RNF144B: variants seen among roughly 807,000 people sequenced by gnomAD.
RNF144B encodes the protein ring finger protein 144B.
A neutral mutation model predicts 40.2 loss-of-function variants in RNF144B; 25 were observed. The observed-to-expected ratio is 0.62, with a 90% CI of 0.45 to 0.87. The LOEUF is 0.87. RNF144B is among the 40% of genes least tolerant of loss of function. The probability of loss-of-function intolerance (pLI) is 0.00; values close to 1 mark genes in which losing one functional copy is unlikely to be tolerated. For synonymous variants in RNF144B, 145 were observed against 136.3 expected (o/e 1.06, Z -0.44); for missense variants, 365 against 373.7 (o/e 0.98, Z 0.19).
chr6:18,448,688 G>GCACA lies in RNF144B; in HGVS notation c.332-8441_332-8438dup, dbSNP rs61128858. Among the ~76,000 whole-genome samples, 10,868 of 144,486 alleles carry GCACA rather than the reference G, an allele frequency of 0.075. 555 individuals are homozygous for GCACA. Among genetic ancestry groups the GCACA allele is most frequent in the African/African-American group, 0.15 (5,961 of 39,506 alleles). The allele number at this position is 144,486 out of a possible 152,430, so 94.8% of individuals were successfully genotyped here. A position where few individuals can be genotyped will look rare whatever the true frequency, so the allele number is the denominator to read the frequency against. Reference sequence around the variant, plus strand: ...TCCATTTTATTTTGAAAGCCAGCATGCACACACACACACACACACACACAC... The same window carrying GCACA: ...TCCATTTTATTTTGAAAGCCAGCATGCACACACACACACACACACACACACACAC... On this transcript the variant is annotated intron_variant, in intron 4 of 7. Coordinates refer to ENST00000259939, the MANE Select transcript of RNF144B (RefSeq NM_182757.4). This position sits in a 1 kb window ranked among gnomAD's most constrained non-coding sequence, Gnocchi z 4.0.
At chr6:18,397,558 A>G (rs1194556022) in intron 1 of RNF144B, among the ~76,000 whole-genome samples, 1 of 152,244 alleles carries the variant, frequency 6.6e-6, no homozygotes, top group Non-Finnish European at 1.5e-5. Flanking sequence ...AAGATTCAGA[A>G]TAAAAACAAT....
At chr6:18,454,147 G>A (rs1210369034) in intron 4 of RNF144B, among the ~76,000 whole-genome samples, 2 of 152,148 alleles carry the variant, frequency 1.3e-5, no homozygotes, top group African/African-American at 4.8e-5. Flanking sequence ...ACACAGTTGG[G>A]TTCAAAGGCA....
Position 18,441,221 on chromosome 6 carries a change from C to T in RNF144B, c.331+1477C>T, listed in dbSNP as rs1758957577. 6.6e-6 allele frequency among the ~76,000 whole-genome samples: 1 copy of T among 152,144 alleles called. No individual in the cohort carries two copies. Among genetic ancestry groups the T allele is most frequent in the Non-Finnish European group, 1.5e-5 (1 of 68,028 alleles). ...TTTCCCACTTTATCCCAACATCCTC[C>T]ACTATAAAAATCAATTATAATTAGA... On this transcript the variant is annotated intron_variant, in intron 4 of 7. Transcript: ENST00000259939. The surrounding 1 kb of genome is among the most constrained non-coding windows in gnomAD (Gnocchi z 4.9).
rs1208111265 is a variant in RNF144B at position 18,443,594 on chromosome 6, T to C, written c.331+3850T>C. 6.6e-6 allele frequency among the ~76,000 whole-genome samples: 1 copy of C among 152,192 alleles called. No homozygotes were observed. The highest frequency in any genetic ancestry group is 1.5e-5 in the Non-Finnish European group (1 of 68,030). ...GATTTTGGAAGGCAATTTGTAATCG[T>C]GTAATTCTTCATTACCATCCGTTAT... is the stretch of plus-strand genomic sequence containing the variant. On this transcript the variant is annotated intron_variant, in intron 4 of 7. Coordinates refer to ENST00000259939, the MANE Select transcript of RNF144B (RefSeq NM_182757.4). The surrounding 1 kb of genome is among the most constrained non-coding windows in gnomAD (Gnocchi z 4.7).
chr6:18,408,586 G>A (rs1290412921), intron 2 of RNF144B, among the ~76,000 whole-genome samples: 2 of 152,054 alleles, frequency 1.3e-5, no homozygotes, highest in Non-Finnish European at 2.9e-5. Context: ...CATTTCCCAG[G>A]GACTGGCTTA....
rs1554172614 is a variant in RNF144B, at chr6:18,405,150, T to TTTTTTATTATTATTA, written c.165+5453_165+5454insTTTATTATTATTATT. On this transcript the variant is annotated intron_variant, in intron 2 of 7. Transcript: ENST00000259939. The surrounding 1 kb of genome is among the most constrained non-coding windows in gnomAD (Gnocchi z 4.5). The stretch of plus-strand genomic sequence containing the variant: ...CTTGCTTGCAAGGTTAGTTTTTTTC[T>TTTTTTATTATTATTA]TTATTATTATTATTATTATTATTAT... Among the ~76,000 whole-genome samples, 5 of 146,232 alleles carry TTTTTTATTATTATTA rather than the reference T, an allele frequency of 3.4e-5. No individual in the cohort carries two copies. The highest frequency in any genetic ancestry group is 1.3e-4 in the African/African-American group (5 of 39,786).
rs1795204557 is a variant in RNF144B at position 18,419,188 on chromosome 6, T to G, written c.166-8393T>G. ...GGCGAATGTTATCTCTGAAGTTCCT[T>G]ATCCTCTGTCCATCCACCCCTCCTC... is the stretch of plus-strand genomic sequence containing the variant. On this transcript the variant is annotated intron_variant, in intron 2 of 7. Coordinates refer to ENST00000259939, the MANE Select transcript of RNF144B (RefSeq NM_182757.4). The surrounding 1 kb of genome is among the most constrained non-coding windows in gnomAD (Gnocchi z 4.6). 6.6e-6 allele frequency among the ~76,000 whole-genome samples: 1 copy of G among 152,196 alleles called. No individual in the cohort carries two copies. Among genetic ancestry groups the G allele is most frequent in the African/African-American group, 2.4e-5 (1 of 41,456 alleles).
At chr6:18,462,172 C>T (rs1184710685) in intron 6 of RNF144B, among the ~76,000 whole-genome samples, 2 of 152,122 alleles carry the variant, frequency 1.3e-5, no homozygotes, top group Admixed American at 6.5e-5. Flanking sequence ...AGAAGCCAAG[C>T]TTCAAAAAAG....
At position 18,456,289 on chromosome 6, in the gene RNF144B, C is replaced by G. The variant is rs2113533826; in HGVS notation, c.332-866C>G. On this transcript the variant is annotated intron_variant, in intron 4 of 7. Coordinates refer to ENST00000259939, the MANE Select transcript of RNF144B (RefSeq NM_182757.4). The surrounding 1 kb of genome is among the most constrained non-coding windows in gnomAD (Gnocchi z 4.7). Reference sequence around the variant, plus strand: ...GTAGGGAGCAGAATATCCAAACTGACAGGTAATCCAACTTCTTGGCTAAGC... The same window carrying G: ...GTAGGGAGCAGAATATCCAAACTGAGAGGTAATCCAACTTCTTGGCTAAGC... Among the ~76,000 whole-genome samples, 1 of 152,314 alleles carries G rather than the reference C, an allele frequency of 6.6e-6. No homozygotes were observed. Among genetic ancestry groups the G allele is most frequent in the East Asian group, 1.9e-4 (1 of 5,180 alleles).
rs765488087 is a variant in RNF144B at position 18,406,929 on chromosome 6, G to A, written c.165+7230G>A. Among the ~76,000 whole-genome samples, 2 of 152,138 alleles carry A rather than the reference G, an allele frequency of 1.3e-5. No individual in the cohort carries two copies. Among genetic ancestry groups the A allele is most frequent in the South Asian group, 2.1e-4 (1 of 4,828 alleles). On this transcript the variant is annotated intron_variant, in intron 2 of 7. Transcript: ENST00000259939. The surrounding 1 kb of genome is among the most constrained non-coding windows in gnomAD (Gnocchi z 4.2). ...ACTTACAATCATGGTGGAAGGGGAA[G>A]CAGCCACGTCTTACATAGTAGCAGG...
In RNF144B at chr6:18,425,355, G is replaced by T. The variant is rs1041103015; in HGVS notation, c.166-2226G>T. On this transcript the variant is annotated intron_variant, in intron 2 of 7. Coordinates refer to ENST00000259939, the MANE Select transcript of RNF144B (RefSeq NM_182757.4). The surrounding 1 kb of genome is among the most constrained non-coding windows in gnomAD (Gnocchi z 4.2). ...AGATCAAGGCAGTAACAATGGAACA[G>T]GTGTGGCTGATGGAAGGCTGAGATG... 6.6e-6 allele frequency among the ~76,000 whole-genome samples: 1 copy of T among 152,190 alleles called. No homozygotes were observed. The highest frequency in any genetic ancestry group is 2.4e-5 in the African/African-American group (1 of 41,458).
chr6:18,427,625 G>A lies in RNF144B; in HGVS notation c.210G>A (p.Gly70=). The A allele has an allele frequency of 6.2e-7, 1 of 1,613,750 alleles. No homozygotes were observed. The highest frequency in any genetic ancestry group is 8.5e-7 in the Non-Finnish European group (1 of 1,179,810). ...YMQLAIREGC[G]SPITCPDMVC... Reference sequence around the variant, plus strand: ...AGCTGGCAATCCGAGAAGGATGTGGGTCTCCCATCACTTGCCCTGACATGG... The same window carrying A: ...AGCTGGCAATCCGAGAAGGATGTGGATCTCCCATCACTTGCCCTGACATGG... The change falls in exon 3 of 8, where the codon GGG becomes GGA. Residue 70 remains glycine (G), a synonymous_variant. Transcript: ENST00000259939.
chr6:18,455,827 T>A (rs921648599), intron 4 of RNF144B, among the ~76,000 whole-genome samples: 2 of 152,242 alleles, frequency 1.3e-5, no homozygotes, highest in Non-Finnish European at 2.9e-5. Context: ...AGCCAATGTG[T>A]TATGACTAGC....
chr6:18,393,714 G>C (rs1035247046), intron 1 of RNF144B, among the ~76,000 whole-genome samples: 10 of 152,074 alleles, frequency 6.6e-5, no homozygotes, highest in Non-Finnish European at 1.2e-4. Flanking sequence ...CTTTTTTTCT[G>C]CTTTATTAGA....
chr6:18,426,855 T>G (rs1273561665), intron 2 of RNF144B, among the ~76,000 whole-genome samples: 2 of 151,810 alleles, frequency 1.3e-5, no homozygotes, highest in African/African-American at 4.8e-5. Flanking sequence ...TCTATTCAAT[T>G]TCTTCTCTGG....
chr6:18,456,816 A>G lies in RNF144B; in HGVS notation c.332-339A>G, dbSNP rs1278896859. ...TGGCTCATGCCTGTAAAATCCCAGCACTTTGGGAGGCCAAGGTAGGCAGAT... is the reference window on the plus strand; with the variant it reads ...TGGCTCATGCCTGTAAAATCCCAGCGCTTTGGGAGGCCAAGGTAGGCAGAT... On this transcript the variant is annotated intron_variant, in intron 4 of 7. Transcript: ENST00000259939. This position sits in a 1 kb window ranked among gnomAD's most constrained non-coding sequence, Gnocchi z 4.7. 2.6e-5 allele frequency among the ~76,000 whole-genome samples: 4 copies of G among 152,194 alleles called. No homozygotes were observed. The highest frequency in any genetic ancestry group is 5.9e-5 in the Non-Finnish European group (4 of 68,046).
intron 1 of RNF144B, among the ~76,000 whole-genome samples, chr6:18,389,134 A>G (rs1794530894): frequency 6.6e-6 from 1 of 152,188 alleles, no homozygotes; most frequent in South Asian, 2.1e-4. Flanking sequence ...ACAGTCATCT[A>G]TGCCAAATAT....
chr6:18,393,704 C>T (rs1794633606), intron 1 of RNF144B, among the ~76,000 whole-genome samples: 1 of 152,132 alleles, frequency 6.6e-6, no homozygotes, highest in Admixed American at 6.6e-5. Context: ...GATTGCTGCT[C>T]TTTTTTTCTG....
intron 3 of RNF144B, among the ~76,000 whole-genome samples, chr6:18,431,906 A>C (rs533329268): frequency 1.6e-4 from 25 of 152,262 alleles, no homozygotes; most frequent in Middle Eastern, 3.4e-3. Flanking sequence ...CCTAAATTTT[A>C]TCTATGAAGA....
Sources: allele counts gnomAD v4.1 joint callset (sites outside exome capture counted in the v4.1 genomes callset), GRCh38; gene constraint gnomAD v4.1.1; non-coding constraint Gnocchi (gnomAD v3.1); transcripts MANE v1.5; gene names NCBI Gene and HGNC (gene_info 2026-07-23, HGNC 2026-07-21).